Variants in PAMR1 observed in about 807,000 individuals in gnomAD.
The protein encoded by PAMR1 is peptidase domain containing associated with muscle regeneration 1.
In PAMR1, 88 loss-of-function variants were observed where a neutral mutation model predicts 81.8. That is an observed-to-expected ratio of 1.08 (90% CI 0.91 to 1.28). The LOEUF is 1.28. Ranked by LOEUF, PAMR1 falls within the 50% of genes most tolerant of loss-of-function variation. The probability of loss-of-function intolerance (pLI) is 0.00; values close to 1 mark genes in which losing one functional copy is unlikely to be tolerated. For synonymous variants in PAMR1, 336 were observed against 345.3 expected, an observed-to-expected ratio of 0.97 and a Z score of 0.30; for missense variants, 935 against 919.7, an observed-to-expected ratio of 1.02 and a Z score of -0.21.
At chr11:35,522,262 T>C (rs1391160654) in intron 1 of PAMR1, among the ~76,000 whole-genome samples, 2 of 152,182 alleles carry the variant, frequency 1.3e-5, no homozygotes, top group African/African-American at 4.8e-5. Flanking sequence ...CATAAGTACA[T>C]TCATACTATT....
At position 35,468,109 on chromosome 11, in the gene PAMR1, C is replaced by A; in HGVS notation, c.713-1G>T. 4.5e-6 allele frequency: 7 copies of A among 1,547,798 alleles called. No individual in the cohort carries two copies. Among genetic ancestry groups the A allele is most frequent in the Non-Finnish European group, 6.1e-6 (7 of 1,143,232 alleles). On this transcript the variant is annotated splice_acceptor_variant, in intron 5 of 10. Coordinates refer to ENST00000619888, the MANE Select transcript of PAMR1 (RefSeq NM_001001991.3). LOFTEE classifies it high-confidence loss of function. ...TGGAAACAAGGGGATGAGGAGCATG[C>A]TGTAAGAGAAAAGGCATCCTTCAGT...
chr11:35,485,382 A>C (rs1374911503), intron 3 of PAMR1, among the ~76,000 whole-genome samples: 2 of 152,320 alleles, frequency 1.3e-5, no homozygotes, highest in East Asian at 3.9e-4. Flanking sequence ...CTCTCTGTAG[A>C]ATTGAAGGTT....
intron 1 of PAMR1, among the ~76,000 whole-genome samples, chr11:35,501,286 A>T (rs1850835399): frequency 6.6e-6 from 1 of 151,880 alleles, no homozygotes. Flanking sequence ...ATGTGCCACC[A>T]GGCCCAGCTA....
upstream of PAMR1, chr11:35,530,189 AG>A (rs1853836032): frequency 6.6e-6 from 1 of 152,318 alleles, no homozygotes; most frequent in Non-Finnish European, 1.5e-5. Context: ...ACCAAGTTCA[AG>A]TCAGCCAAGG....
At chr11:35,509,666 G>A (rs1312988490) in intron 1 of PAMR1, among the ~76,000 whole-genome samples, 1 of 152,176 alleles carries the variant, frequency 6.6e-6, no homozygotes, top group Admixed American at 6.5e-5. Flanking sequence ...AGAAAAGGGT[G>A]AAGTAGGGAA....
intron 1 of PAMR1, among the ~76,000 whole-genome samples, chr11:35,515,406 G>A (rs1299789088): frequency 6.6e-6 from 1 of 152,214 alleles, no homozygotes; most frequent in Non-Finnish European, 1.5e-5. Context: ...ATTTGTAATG[G>A]TATGTCCAAT....
chr11:35,473,204 C>T (rs1233500025), intron 4 of PAMR1, among the ~76,000 whole-genome samples: 2 of 152,148 alleles, frequency 1.3e-5, no homozygotes, highest in Admixed American at 1.3e-4. Flanking sequence ...TGTGCCTATG[C>T]TTCCAAGTAT....
rs769787876 is a variant in PAMR1, at chr11:35,441,694, C to G, written c.821-1G>C. On this transcript the variant is annotated splice_acceptor_variant, in intron 6 of 10. Coordinates refer to ENST00000619888, the MANE Select transcript of PAMR1 (RefSeq NM_001001991.3). LOFTEE classifies it high-confidence loss of function. ...TCTGAGCAGTTTCTTTCTTCAAGGA[C>G]TAAAAGAAAGTAAAAGAAAAGGAGA... The G allele has an allele frequency of 6.9e-6, 11 of 1,587,704 alleles. No homozygotes were observed. Among genetic ancestry groups the G allele is most frequent in the Non-Finnish European group, 9.4e-6 (11 of 1,168,016 alleles).
intron 3 of PAMR1, among the ~76,000 whole-genome samples, chr11:35,477,913 T>G (rs1033004500): frequency 6.6e-6 from 1 of 152,116 alleles, no homozygotes; most frequent in East Asian, 1.9e-4. Context: ...ACACTCCTCA[T>G]CGCCCCCATC....
At chr11:35,439,822 G>A in intron 7 of PAMR1, 129 bp from the exon 8 acceptor site, 1 of 727,084 alleles carries the variant, frequency 1.4e-6, no homozygotes, top group Non-Finnish European at 2.4e-6. Context: ...TCAGAGGCAA[G>A]ACATGTCAGC....
intron 1 of PAMR1, among the ~76,000 whole-genome samples, chr11:35,496,798 G>T (rs540636754): frequency 1.4e-4 from 22 of 152,280 alleles, no homozygotes; most frequent in Non-Finnish European, 2.6e-4. Flanking sequence ...ATACTTGTAT[G>T]CCAATGTTCA....
intron 3 of PAMR1, among the ~76,000 whole-genome samples, chr11:35,481,408 T>G (rs1850387057): frequency 6.6e-6 from 1 of 152,244 alleles, no homozygotes. Flanking sequence ...CTGACTGGCA[T>G]GAGATAGTAT....
At chr11:35,492,846 C>T (rs1477966405) in intron 2 of PAMR1, among the ~76,000 whole-genome samples, 2 of 152,124 alleles carry the variant, frequency 1.3e-5, no homozygotes, top group African/African-American at 2.4e-5. Flanking sequence ...AAAAACATGG[C>T]CTCTTGAGGG....
intron 7 of PAMR1, among the ~76,000 whole-genome samples, chr11:35,441,101 A>T (rs1021669074): frequency 6.6e-6 from 1 of 152,104 alleles, no homozygotes; most frequent in Non-Finnish European, 1.5e-5. Context: ...TTGTTCTTTT[A>T]TTTCTCACAT....
At chr11:35,454,870 G>A (rs1856496032) in intron 6 of PAMR1, among the ~76,000 whole-genome samples, 1 of 152,172 alleles carries the variant, frequency 6.6e-6, no homozygotes. Flanking sequence ...CAGCCAAGAT[G>A]TTTTACCTGA....
chr11:35,434,851 T>A, intron 9 of PAMR1, 47 bp from the exon 10 acceptor site: 1 of 1,571,236 alleles, frequency 6.4e-7, no homozygotes, highest in Non-Finnish European at 8.7e-7. Flanking sequence ...GACTTTGCCA[T>A]CCAAAGGAGA....
chr11:35,454,117 G>A (rs922525561), intron 6 of PAMR1, among the ~76,000 whole-genome samples: 1 of 152,138 alleles, frequency 6.6e-6, no homozygotes, highest in African/African-American at 2.4e-5. Flanking sequence ...ATATGTGATG[G>A]CTTTGGAATG....
chr11:35,468,194 C>A, intron 5 of PAMR1, 86 bp from the exon 6 acceptor site: 1 of 729,682 alleles, frequency 1.4e-6, no homozygotes, highest in Non-Finnish European at 2.3e-6. Flanking sequence ...TCTTTTAATT[C>A]CTTATTAAAG....
At chr11:35,527,848 G>A (rs537284993), upstream of PAMR1, among the ~76,000 whole-genome samples, 16 of 151,860 alleles carry the variant, frequency 1.1e-4, no homozygotes, top group Non-Finnish European at 1.5e-4. Flanking sequence ...ACTTTGCTTC[G>A]AGCTCAGCAC....
Sources: allele counts gnomAD v4.1 joint callset (sites outside exome capture counted in the v4.1 genomes callset), GRCh38; gene constraint gnomAD v4.1.1; transcripts MANE v1.5; gene names NCBI Gene and HGNC (gene_info 2026-07-23, HGNC 2026-07-21).